Variants in CABIN1 observed in about 807,000 individuals in gnomAD.
The protein encoded by CABIN1 is calcineurin-binding protein cabin-1.
CABIN1 carries 133 observed loss-of-function variants against 227.7 expected under a neutral mutation model. That is an observed-to-expected ratio of 0.58 (90% CI 0.51 to 0.67). CABIN1 has a LOEUF of 0.67. Among genes scored for constraint, CABIN1 ranks in the 30% least tolerant of loss-of-function variants. The pLI, the probability that CABIN1 is intolerant of heterozygous loss-of-function variation, is 0.00. For missense variants in CABIN1, 2,408 were observed against 2,852.5 expected (o/e 0.84, Z 3.55); for synonymous variants, 1,086 against 1,155.1 (o/e 0.94, Z 1.21).
intron 26 of CABIN1, among the ~76,000 whole-genome samples, chr22:24,105,463 A>C (rs150719260): frequency 6.6e-6 from 1 of 152,270 alleles, no homozygotes; most frequent in East Asian, 1.9e-4. Flanking sequence ...TTAAAAGAAC[A>C]TTCTGAAAAA....
intron 3 of CABIN1, among the ~76,000 whole-genome samples, chr22:24,038,124 CAG>C (rs1265764126): frequency 6.6e-6 from 1 of 152,134 alleles, no homozygotes; most frequent in Non-Finnish European, 1.5e-5. Flanking sequence ...GGTTTTTAAA[CAG>C]AGATTCCATC....
chr22:24,017,599 G>A (rs138724159), intron 1 of CABIN1, among the ~76,000 whole-genome samples: 1 of 152,210 alleles, frequency 6.6e-6, no homozygotes, highest in African/African-American at 2.4e-5. Flanking sequence ...TTTATGACTG[G>A]CTTATTCGAC....
intron 28 of CABIN1, among the ~76,000 whole-genome samples, chr22:24,125,567 C>T (rs2043671935): frequency 6.6e-6 from 1 of 152,190 alleles, no homozygotes; most frequent in Non-Finnish European, 1.5e-5. Flanking sequence ...AGCTGGTGAG[C>T]TTTGAGTTGA....
chr22:24,136,531 T>TG (rs2044422093), intron 29 of CABIN1, among the ~76,000 whole-genome samples: 1 of 140,640 alleles, frequency 7.1e-6, no homozygotes, highest in South Asian at 2.3e-4. Flanking sequence ...TGTATTTTTT[T>TG]TTTTTTTTTT....
chr22:24,060,912 A>G (rs1007319286), intron 12 of CABIN1, among the ~76,000 whole-genome samples: 1 of 151,972 alleles, frequency 6.6e-6, no homozygotes, highest in African/African-American at 2.4e-5. Flanking sequence ...AAAAAAAAAA[A>G]TTTGTTTTGT....
At position 24,113,731 on chromosome 22, in the gene CABIN1, G is replaced by T. The variant is rs573837124; in HGVS notation, c.4283G>T (p.Gly1428Val). 4.5e-5 allele frequency: 72 copies of T among 1,613,800 alleles called. 2 individuals carry two copies. In the South Asian group the frequency reaches 6.6e-4, roughly 15 times the overall value. The change falls in exon 27 of 37, where the codon GGG becomes GTG. Residue 1428 changes from glycine (G) to valine (V), a missense_variant. Physicochemically the swap from Gly to Val is moderately radical, Grantham distance 109. This residue lies in a region of CABIN1 where 649 missense variants were observed against 910.3 expected (regional missense o/e 0.71). Transcript: ENST00000263119. ...QAGATGKDLQ[G>V]ATEERGKNEE... ...GGAGCGACGGGTAAAGATCTTCAGG[G>T]GGCCACAGAAGAAAGAGGTATGAAG...
chr22:24,056,136 T>C (rs1421054724), intron 9 of CABIN1, 56 bp from the exon 10 acceptor site: 7 of 1,449,434 alleles, frequency 4.8e-6, no homozygotes, highest in Non-Finnish European at 6.8e-6. Context: ...GTCTGTGTGG[T>C]GCATTTTTTT....
chr22:24,087,538 C>G lies in CABIN1; in HGVS notation c.3350C>G (p.Pro1117Arg). Residue 1117 changes from proline to arginine, a missense_variant, in exon 23 of 37, where the codon CCC becomes CGC. Around this residue, in one of 3 missense-constraint regions of CABIN1, gnomAD observed 649 missense variants for 910.3 expected, o/e 0.71. Transcript: ENST00000263119. ...TCCAATGAGCTGAAGAGTGATGGGC[C>G]CATTTGGAAGCATGCCACGCCCGTC... ...LNSNELKSDG[P>R]IWKHATPVLN... The G allele has an allele frequency of 1.2e-6, 2 of 1,614,216 alleles. No homozygotes were observed. Among genetic ancestry groups the G allele is most frequent in the Non-Finnish European group, 1.7e-6 (2 of 1,180,046 alleles).
rs747015662 is a variant in CABIN1, at chr22:24,042,907, G to C, written c.349G>C (p.Val117Leu). ...CCTCTGCTTGTGTCGCTTCCAGGCAGTGATGCTGGACTCCACAGATGTCAA... is the reference window on the plus strand; with the variant it reads ...CCTCTGCTTGTGTCGCTTCCAGGCACTGATGCTGGACTCCACAGATGTCAA... ...ETAMEFYLEA[V>L]MLDSTDVNLW... Residue 117 changes from valine to leucine, a missense_variant, in exon 6 of 37, where the codon GTG becomes CTG. Val to Leu is a conservative substitution (Grantham distance 32, BLOSUM62 1). This residue lies in a region of CABIN1 where 1,045 missense variants were observed against 1,168.4 expected (regional missense o/e 0.89). Coordinates refer to ENST00000263119, the MANE Select transcript of CABIN1 (RefSeq NM_012295.4). 1.3e-6 allele frequency: 2 copies of C among 1,587,242 alleles called. No homozygotes were observed. The highest frequency in any genetic ancestry group is 8.6e-7 in the Non-Finnish European group (1 of 1,167,152).
chr22:24,050,805 CCT>C lies in CABIN1; in HGVS notation c.657-19_657-18del. ...TTAGTTTGTAACATGATAATTTCTCCCTGTCTCACATGCTTTTAGTGACATGT... is the reference window on the plus strand; with the variant it reads ...TTAGTTTGTAACATGATAATTTCTCCGTCTCACATGCTTTTAGTGACATGT... On this transcript the variant is annotated intron_variant, in intron 7 of 36. Coordinates refer to ENST00000263119, the MANE Select transcript of CABIN1 (RefSeq NM_012295.4). The C allele has an allele frequency of 6.2e-7, 1 of 1,614,012 alleles. No homozygotes were observed. The highest frequency in any genetic ancestry group is 8.5e-7 in the Non-Finnish European group (1 of 1,179,988).
At chr22:24,078,463 A>T (rs2040585296) in intron 19 of CABIN1, among the ~76,000 whole-genome samples, 1 of 152,214 alleles carries the variant, frequency 6.6e-6, no homozygotes, top group Non-Finnish European at 1.5e-5. Context: ...AGGTAAAAGG[A>T]TTCCATCTTG....
chr22:24,043,971 C>A (rs2037639293), intron 6 of CABIN1, among the ~76,000 whole-genome samples: 1 of 152,136 alleles, frequency 6.6e-6, no homozygotes. Flanking sequence ...GGTCCCAAAA[C>A]TTAGCAAACT....
At chr22:24,137,877 G>T (rs1427725842) in intron 29 of CABIN1, among the ~76,000 whole-genome samples, 1 of 152,242 alleles carries the variant, frequency 6.6e-6, no homozygotes, top group East Asian at 1.9e-4. Flanking sequence ...CTGGTAGATA[G>T]CCTTTAGGCT....
chr22:24,078,551 A>T (rs2040591336), intron 19 of CABIN1, among the ~76,000 whole-genome samples: 1 of 152,228 alleles, frequency 6.6e-6, no homozygotes, highest in South Asian at 2.1e-4. Flanking sequence ...GTTCTCTGAG[A>T]GAAATCCTCT....
In CABIN1 at chr22:24,045,160, G is replaced by A. The variant is rs908253743; in HGVS notation, c.526+2076G>A. ...AGGATGTTCTTGATCTCCTGACCTC[G>A]TGATCCGCCCGCCTTGGCCTCCCAA... On this transcript the variant is annotated intron_variant, in intron 6 of 36. Coordinates refer to ENST00000263119, the MANE Select transcript of CABIN1 (RefSeq NM_012295.4). Among the ~76,000 whole-genome samples, 59 of 152,282 alleles carry A rather than the reference G, an allele frequency of 3.9e-4. 1 individual carries two copies. Among genetic ancestry groups the A allele is most frequent in the Admixed American group, 1.8e-3 (27 of 15,294 alleles).
At chr22:24,120,706 G>A (rs535861749) in intron 28 of CABIN1, among the ~76,000 whole-genome samples, 150 of 152,262 alleles carry the variant, frequency 9.9e-4, no homozygotes, top group African/African-American at 3.3e-3. Context: ...CCAGCTACTC[G>A]GGAGGCTGAG....
intron 34 of CABIN1, among the ~76,000 whole-genome samples, chr22:24,175,596 G>A (rs1757581662): frequency 6.6e-6 from 1 of 152,266 alleles, no homozygotes; most frequent in East Asian, 1.9e-4. Flanking sequence ...GGCCCATCCC[G>A]GCCTTGGCCC....
In CABIN1 at chr22:24,049,222, T is replaced by G; in HGVS notation, c.656+2T>G. 1 of 1,613,364 alleles carries G rather than the reference T, an allele frequency of 6.2e-7. No individual in the cohort carries two copies. Among genetic ancestry groups the G allele is most frequent in the Non-Finnish European group, 8.5e-7 (1 of 1,179,858 alleles). ...CTCTCTCAGAATGTTCCTCAAATGG[T>G]AAGTCCTGCCTCTTCCCATGCCATG... On this transcript the variant is annotated splice_donor_variant, in intron 7 of 36. Transcript: ENST00000263119. LOFTEE classifies it high-confidence loss of function.
intron 23 of CABIN1, among the ~76,000 whole-genome samples, chr22:24,090,273 G>A (rs1344641711): frequency 3.3e-5 from 5 of 152,216 alleles, no homozygotes; most frequent in Admixed American, 2.0e-4. Context: ...GCTGTTACAG[G>A]TGCCAGTGGC....
Sources: gnomAD v4.1 joint callset for allele counts (sites outside exome capture counted in the v4.1 genomes callset) on GRCh38, gnomAD v4.1.1 for gene constraint, gnomAD v4.1.1 regional missense constraint, MANE v1.5 for transcripts, NCBI Gene and HGNC (gene_info 2026-07-23, HGNC 2026-07-21) for gene names.